The following GRIN2B variants were observed in gnomAD, a reference collection of about 807,000 sequenced individuals.
GRIN2B encodes the protein glutamate ionotropic receptor NMDA type subunit 2B.
GRIN2B carries 5 observed loss-of-function variants against 114.5 expected under a neutral mutation model. That is an observed-to-expected ratio of 0.04 (90% CI 0.02 to 0.09). The LOEUF is 0.09. GRIN2B is among the 10% of genes least tolerant of loss of function. The probability of loss-of-function intolerance (pLI) is 1.00; values close to 1 mark genes in which losing one functional copy is unlikely to be tolerated. For synonymous variants in GRIN2B, 787 were observed against 745.1 expected (o/e 1.06, Z -0.92); for missense variants, 1,108 against 1,943.5 (o/e 0.57, Z 8.08).
intron 5 of GRIN2B, among the ~76,000 whole-genome samples, chr12:13,665,149 GTGTGTGTGTGTGTGTGTT>G (rs1041516186): frequency 5.6e-5 from 3 of 53,584 alleles, no homozygotes; most frequent in African/African-American, 1.1e-4. Context: ...GTGTGTGTTT[GTGTGTGTGTGTGTGTGTT>G]TGTGTGTGTG....
chr12:13,711,437 A>G (rs1950413027), intron 4 of GRIN2B, among the ~76,000 whole-genome samples: 1 of 152,202 alleles, frequency 6.6e-6, no homozygotes, highest in Admixed American at 6.5e-5. Flanking sequence ...CAGAGTGAAC[A>G]GGCAACCTAC....
rs114946614 is a variant in GRIN2B, at chr12:13,648,237, C to T, written c.1125+27508G>A. On this transcript the variant is annotated intron_variant, in intron 5 of 13. Transcript: ENST00000609686. ...AAGCACAGTTTCAGAAAAAGCTCAA[C>T]GGACAGTTGAGAACTTATTCCATGC... 1.9e-3 allele frequency among the ~76,000 whole-genome samples: 284 copies of T among 152,142 alleles called. 3 individuals are homozygous for T. The highest frequency in any genetic ancestry group is 6.5e-3 in the African/African-American group (269 of 41,530).
intron 3 of GRIN2B, among the ~76,000 whole-genome samples, chr12:13,814,942 T>A (rs1288495469): frequency 1.3e-5 from 2 of 151,590 alleles, no homozygotes; most frequent in African/African-American, 2.4e-5. Context: ...TCCCTTAAGT[T>A]TCATCTCTTT....
At chr12:13,977,007 T>A (rs142145727) in intron 2 of GRIN2B, among the ~76,000 whole-genome samples, 40 of 152,356 alleles carry the variant, frequency 2.6e-4, no homozygotes, top group African/African-American at 9.4e-4. Context: ...ACAGTCAAGA[T>A]TCCAAAGCTA....
intron 2 of GRIN2B, among the ~76,000 whole-genome samples, chr12:13,882,848 T>C (rs1866091293): frequency 1.3e-5 from 2 of 152,344 alleles, no homozygotes; most frequent in Admixed American, 6.5e-5. Context: ...ATACAGTATA[T>C]AACCACCACC....
At position 13,628,556 on chromosome 12, in the gene GRIN2B, A is replaced by T. The variant is rs141276759; in HGVS notation, c.1126-11899T>A. Among the ~76,000 whole-genome samples, 950 of 152,386 alleles carry T rather than the reference A, an allele frequency of 6.2e-3. 37 individuals are homozygous for T. Among genetic ancestry groups the T allele is most frequent in the Admixed American group, 0.054 (819 of 15,306 alleles). ...TAGCTCAGGACACTAATGAAAAGTG[A>T]TGCAAATCATTGCACATTTAGTAAA... On this transcript the variant is annotated intron_variant, in intron 5 of 13. Transcript: ENST00000609686.
chr12:13,678,007 A>G (rs376250312), intron 4 of GRIN2B, among the ~76,000 whole-genome samples: 205 of 152,286 alleles, frequency 1.3e-3, no homozygotes, highest in Non-Finnish European at 2.1e-3. Context: ...GCAATAACTT[A>G]TGCATACCCT....
chr12:13,570,023 C>A lies in GRIN2B; in HGVS notation c.2172-6G>T, dbSNP rs201390691. The stretch of plus-strand genomic sequence containing the variant: ...AGATGAAGGCATCCAGTTTCCTGTA[C>A]AGGAAAAAAGCAAACAAATCCAATG... On this transcript the variant is annotated splice_polypyrimidine_tract_variant and splice_region_variant and intron_variant, in intron 11 of 13. Coordinates refer to ENST00000609686, the MANE Select transcript of GRIN2B (RefSeq NM_000834.5). The A allele has an allele frequency of 8.7e-6, 14 of 1,607,228 alleles. No homozygotes were observed. Among genetic ancestry groups the A allele is most frequent in the Admixed American group, 1.7e-5 (1 of 59,984 alleles).
intron 3 of GRIN2B, among the ~76,000 whole-genome samples, chr12:13,840,050 GT>G (rs1865350614): frequency 6.6e-6 from 1 of 152,208 alleles, no homozygotes; most frequent in Admixed American, 6.5e-5. Flanking sequence ...TTACCTTAGA[GT>G]GAGGGATCAA....
chr12:13,735,298 A>C (rs980545840), intron 4 of GRIN2B, among the ~76,000 whole-genome samples: 1 of 152,236 alleles, frequency 6.6e-6, no homozygotes, highest in African/African-American at 2.4e-5. Flanking sequence ...CCATCTAAAA[A>C]AGTGCAGACA....
In GRIN2B at chr12:13,541,247, T is replaced by C. The variant is rs1948274970; in HGVS notation, c.*21536A>G. On this transcript the variant is annotated 3_prime_UTR_variant, in exon 14 of 14. Coordinates refer to ENST00000609686, the MANE Select transcript of GRIN2B (RefSeq NM_000834.5). ...CGTCAGGGCTACTCTGAAGTATTAA[T>C]GCTGGGATAGTCACTGGGTAACAAA... is the stretch of plus-strand genomic sequence containing the variant. 2 of 152,242 alleles carry C rather than the reference T, an allele frequency of 1.3e-5. No homozygotes were observed. Among genetic ancestry groups the C allele is most frequent in the Non-Finnish European group, 1.5e-5 (1 of 68,056 alleles). The allele number at this position is 152,242 out of a possible 1,614,324, so 9.4% of individuals were successfully genotyped here. A position where few individuals can be genotyped will look rare whatever the true frequency, so the allele number is the denominator to read the frequency against.
At chr12:13,596,892 A>C (rs1200953373) in intron 10 of GRIN2B, among the ~76,000 whole-genome samples, 1 of 152,238 alleles carries the variant, frequency 6.6e-6, no homozygotes, top group Non-Finnish European at 1.5e-5. Context: ...AGGCCAGAGA[A>C]GGTCCCCAGG....
intron 5 of GRIN2B, among the ~76,000 whole-genome samples, chr12:13,664,110 C>T (rs1288496328): frequency 6.6e-6 from 1 of 152,124 alleles, no homozygotes; most frequent in Non-Finnish European, 1.5e-5. Context: ...TATGGTTTCT[C>T]TTGGTTTTTG....
intron 10 of GRIN2B, among the ~76,000 whole-genome samples, chr12:13,599,869 A>G (rs1324160703): frequency 1.3e-5 from 2 of 152,250 alleles, no homozygotes; most frequent in Non-Finnish European, 2.9e-5. Flanking sequence ...AGACAAATTC[A>G]ATGATTCCAA....
chr12:13,592,791 G>C (rs930087948), intron 10 of GRIN2B, among the ~76,000 whole-genome samples: 1 of 152,066 alleles, frequency 6.6e-6, no homozygotes, highest in Non-Finnish European at 1.5e-5. Flanking sequence ...CTGTTCTTTC[G>C]GTCTAAGTGA....
At chr12:13,926,205 A>G (rs1866907917) in intron 2 of GRIN2B, among the ~76,000 whole-genome samples, 1 of 152,092 alleles carries the variant, frequency 6.6e-6, no homozygotes, top group African/African-American at 2.4e-5. Flanking sequence ...TGACCAGGCC[A>G]GGGAACTACT....
At chr12:13,657,652 T>C (rs1017836945) in intron 5 of GRIN2B, among the ~76,000 whole-genome samples, 5 of 152,078 alleles carry the variant, frequency 3.3e-5, no homozygotes, top group Non-Finnish European at 5.9e-5. Context: ...ATGACCAAGA[T>C]TTGCCCCTTG....
intron 10 of GRIN2B, among the ~76,000 whole-genome samples, chr12:13,574,657 A>T (rs112463872): frequency 0.031 from 4,779 of 152,280 alleles, 79 homozygotes; most frequent in South Asian, 0.069. Flanking sequence ...GGTAGTTTTC[A>T]TACAGCTCTT....
At position 13,544,036 on chromosome 12, in the gene GRIN2B, A is replaced by G. The variant is rs1247416686; in HGVS notation, c.*18747T>C. The G allele has an allele frequency of 6.6e-6, 1 of 152,104 alleles. No individual in the cohort carries two copies. The highest frequency in any genetic ancestry group is 2.4e-5 in the African/African-American group (1 of 41,402). 9.4% of individuals were successfully genotyped at this position (152,104 alleles called of 1,614,324 possible). ...CCTGGATTAGTCTTGTCAACATAAAATGGGCTGTTATTTTTCCCATCTTAA... is the reference window on the plus strand; with the variant it reads ...CCTGGATTAGTCTTGTCAACATAAAGTGGGCTGTTATTTTTCCCATCTTAA... On this transcript the variant is annotated 3_prime_UTR_variant, in exon 14 of 14. Transcript: ENST00000609686.
Sources: allele counts gnomAD v4.1 joint callset (sites outside exome capture counted in the v4.1 genomes callset), GRCh38; gene constraint gnomAD v4.1.1; transcripts MANE v1.5; gene names NCBI Gene and HGNC (gene_info 2026-07-23, HGNC 2026-07-21).